Variants in GOSR2 observed in about 807,000 individuals in gnomAD.
The protein encoded by GOSR2 is golgi SNAP receptor complex member 2.
A neutral mutation model predicts 27.9 loss-of-function variants in GOSR2; 20 were observed. That is an observed-to-expected ratio of 0.72 (90% CI 0.50 to 1.04). The LOEUF is 1.04. Among genes scored for constraint, GOSR2 ranks in the 50% least tolerant of loss-of-function variants. GOSR2 has a pLI of 0.00. For synonymous variants in GOSR2, 91 were observed against 98.8 expected, an observed-to-expected ratio of 0.92 and a Z score of 0.47; for missense variants, 261 against 270.5, an observed-to-expected ratio of 0.97 and a Z score of 0.25.
chr17:46,954,941 A>G (rs1052655980), intron 6 of GOSR2, among the ~76,000 whole-genome samples: 25 of 152,262 alleles, frequency 1.6e-4, no homozygotes, highest in African/African-American at 5.8e-4. Flanking sequence ...GGTTTTCTAG[A>G]TATACAATCA....
chr17:46,961,549 G>T (rs1239897033), intron 6 of GOSR2, among the ~76,000 whole-genome samples: 1 of 152,110 alleles, frequency 6.6e-6, no homozygotes, highest in East Asian at 1.9e-4. Context: ...AAAAAAAGAA[G>T]CAAATGAAAA....
At chr17:46,972,227 G>A (rs749637714) in intron 6 of GOSR2, among the ~76,000 whole-genome samples, 3 of 152,114 alleles carry the variant, frequency 2.0e-5, no homozygotes, top group Non-Finnish European at 2.9e-5. Flanking sequence ...TGCTTCTCCC[G>A]CCACCCGCTT....
At position 46,947,453 on chromosome 17, in the gene GOSR2, C is replaced by G. The variant is rs118014827; in HGVS notation, c.583+8749C>G. On this transcript the variant is annotated intron_variant, in intron 6 of 6. Transcript: ENST00000573224. ...CACCTTCAGAGCTCCCTACAACTTA[C>G]GTTCATGCTGCTGAGATACTGATGA... Among the ~76,000 whole-genome samples the G allele has an allele frequency of 1.6e-4, 25 of 152,262 alleles. No homozygotes were observed. In the South Asian group the frequency reaches 2.5e-3, roughly 15 times the overall value.
At chr17:46,945,595 C>G (rs778576431), downstream of GOSR2, among the ~76,000 whole-genome samples, 4 of 152,174 alleles carry the variant, frequency 2.6e-5, no homozygotes, top group Non-Finnish European at 5.9e-5. Flanking sequence ...CAGAGAGGAA[C>G]AGGCGTGGGC....
At chr17:46,963,525 C>T (rs1417881503) in intron 6 of GOSR2, among the ~76,000 whole-genome samples, 2 of 134,656 alleles carry the variant, frequency 1.5e-5, no homozygotes, top group Non-Finnish European at 3.1e-5. Flanking sequence ...GCCTGGGCGA[C>T]AGAGTGAGGC....
At chr17:46,970,277 A>C (rs746383187), downstream of GOSR2, among the ~76,000 whole-genome samples, 1 of 152,176 alleles carries the variant, frequency 6.6e-6, no homozygotes, top group Non-Finnish European at 1.5e-5. Flanking sequence ...GCGGTGGCTC[A>C]CGCCTGTAAT....
intron 6 of GOSR2, among the ~76,000 whole-genome samples, chr17:46,974,253 G>A (rs867287234): frequency 8.5e-5 from 13 of 152,228 alleles, no homozygotes; most frequent in Non-Finnish European, 1.5e-4. Context: ...AGGGCCAGAC[G>A]CTAGGTCTGC....
intron 6 of GOSR2, among the ~76,000 whole-genome samples, chr17:46,972,464 A>C (rs973593884): frequency 2.6e-5 from 4 of 152,258 alleles, no homozygotes; most frequent in African/African-American, 9.6e-5. Flanking sequence ...GGGCACCCCG[A>C]GCCCTTGCTG....
chr17:46,975,495 C>T (rs1360550464), exon 7 of GOSR2: 1 of 152,680 alleles, frequency 6.5e-6, no homozygotes, highest in Non-Finnish European at 1.5e-5. Context: ...GTGTTCCCGC[C>T]CCCTGCCCCA....
At position 46,932,246 on chromosome 17, in the gene GOSR2, G is replaced by T. The variant is rs527939878; in HGVS notation, c.336+47G>T. 40 of 1,610,290 alleles carry T rather than the reference G, an allele frequency of 2.5e-5. No individual in the cohort carries two copies. The South Asian group carries it at 4.1e-4, about 16-fold the overall frequency. ...GGTCGGCCTGCACTTGACAGATCGT[G>T]GGGGCTGGAGTTCAGATCTCTGAGC... On this transcript the variant is annotated intron_variant, in intron 4 of 5. Coordinates refer to ENST00000640051, the MANE Select transcript of GOSR2 (RefSeq NM_004287.5).
chr17:46,928,551 G>A (rs1240864732), intron 1 of GOSR2, among the ~76,000 whole-genome samples: 1 of 152,122 alleles, frequency 6.6e-6, no homozygotes, highest in Non-Finnish European at 1.5e-5. Context: ...GGATGACCTT[G>A]GCCAGACCGT....
intron 6 of GOSR2, among the ~76,000 whole-genome samples, chr17:46,947,361 C>G (rs535056406): frequency 1.3e-5 from 2 of 152,326 alleles, no homozygotes; most frequent in South Asian, 4.1e-4. Flanking sequence ...GCTCCCTCCC[C>G]ACCCTGCCCC....
At position 46,932,069 on chromosome 17, in the gene GOSR2, G is replaced by A. The variant is rs780211637; in HGVS notation, c.206G>A (p.Arg69Gln). 15 of 1,613,488 alleles carry A rather than the reference G, an allele frequency of 9.3e-6. 1 individual carries two copies. The highest frequency in any genetic ancestry group is 3.3e-4 in the Middle Eastern group (2 of 6,060). ...ATCTCTCTCTCCATCAATTCCAGTC[G>A]GGTTGACCAGTTAAAGTATGATGTC... ...PPNKRQNARLRVDQLKYDVQH... is the reference protein window; with the variant it reads ...PPNKRQNARLQVDQLKYDVQH... Residue 69 changes from arginine (R) to glutamine (Q), a missense_variant and splice_region_variant, in exon 4 of 6, where the codon CGG (arginine) becomes CAG (glutamine). Coordinates refer to ENST00000640051, the MANE Select transcript of GOSR2 (RefSeq NM_004287.5).
chr17:46,936,522 C>G, intron 5 of GOSR2: 6 of 985,610 alleles, frequency 6.1e-6, no homozygotes, highest in Non-Finnish European at 7.2e-6. Context: ...CCACCTGCCT[C>G]ACACCCTGCC....
intron 6 of GOSR2, among the ~76,000 whole-genome samples, chr17:46,953,456 AT>A (rs2090508731): frequency 6.6e-6 from 1 of 152,208 alleles, no homozygotes; most frequent in Non-Finnish European, 1.5e-5. Context: ...ATTGTTGGAC[AT>A]TTGGGTTGGT....
At chr17:46,932,498 C>T (rs1188377665) in intron 4 of GOSR2, 3 of 591,454 alleles carry the variant, frequency 5.1e-6, no homozygotes, top group East Asian at 2.8e-5. Flanking sequence ...ATGGTGGAAA[C>T]GTTTTTCTGA....
intron 1 of GOSR2, among the ~76,000 whole-genome samples, chr17:46,927,889 A>G (rs1598946017): frequency 6.6e-6 from 1 of 151,806 alleles, no homozygotes; most frequent in African/African-American, 2.4e-5. Context: ...CATATTACCA[A>G]CTTTCAGATT....
At chr17:46,963,543 C>CAA (rs34316777) in intron 6 of GOSR2, among the ~76,000 whole-genome samples, 45 of 137,732 alleles carry the variant, frequency 3.3e-4, no homozygotes, top group African/African-American at 1.1e-3. Flanking sequence ...GGCTCGGTCT[C>CAA]AAAAAAAAAA....
At chr17:46,944,610 CT>C (rs55760473), downstream of GOSR2, among the ~76,000 whole-genome samples, 70,456 of 144,100 alleles carry the variant, frequency 0.49, 17,533 homozygotes, top group Non-Finnish European at 0.57. Context: ...TTTTAATTTT[CT>C]TTTTTTTTTT....
Sources: gnomAD v4.1 joint callset for allele counts (sites outside exome capture counted in the v4.1 genomes callset) on GRCh38, gnomAD v4.1.1 for gene constraint, MANE v1.5 for transcripts, NCBI Gene and HGNC (gene_info 2026-07-23, HGNC 2026-07-21) for gene names.